The following BCL2 variants were observed in gnomAD, a reference collection of about 807,000 sequenced individuals.
The protein encoded by BCL2 is BCL2 apoptosis regulator.
In BCL2, 1 loss-of-function variant was observed where a neutral mutation model predicts 14.2. The observed-to-expected ratio is 0.07, with a 90% CI of 0.02 to 0.33. The LOEUF (loss-of-function observed/expected upper bound fraction) is 0.33, where lower values mean the gene tolerates loss of function less well. BCL2 is among the 10% of genes least tolerant of loss of function. The pLI, the probability that BCL2 is intolerant of heterozygous loss-of-function variation, is 0.99. For synonymous variants in BCL2, 151 were observed against 137.2 expected (o/e 1.10, Z -0.70); for missense variants, 247 against 305.9 (o/e 0.81, Z 1.44).
chr18:63,217,442 T>A (rs1910235994), intron 2 of BCL2, among the ~76,000 whole-genome samples: 1 of 152,138 alleles, frequency 6.6e-6, no homozygotes, highest in Non-Finnish European at 1.5e-5. Context: ...GAGGAGAAAC[T>A]GGGTTTGTTT....
intron 2 of BCL2, among the ~76,000 whole-genome samples, chr18:63,268,885 C>G (rs1004100145): frequency 1.3e-5 from 2 of 152,066 alleles, no homozygotes; most frequent in Non-Finnish European, 2.9e-5. Context: ...GGAGGGAAAA[C>G]AGTACCCAAT....
chr18:63,163,702 G>T (rs770823296), intron 2 of BCL2, among the ~76,000 whole-genome samples: 1 of 152,252 alleles, frequency 6.6e-6, no homozygotes, highest in East Asian at 1.9e-4. Flanking sequence ...CTGTGTACAA[G>T]CACTGATCTA....
chr18:63,168,507 C>G (rs918469507), intron 2 of BCL2, among the ~76,000 whole-genome samples: 6 of 152,178 alleles, frequency 3.9e-5, no homozygotes, highest in Non-Finnish European at 8.8e-5. Flanking sequence ...TGAGGTCATT[C>G]TTTGCTGGCT....
In BCL2 at chr18:63,149,363, G is replaced by A. The variant is rs545029496; in HGVS notation, c.586-20604C>T. On this transcript the variant is annotated intron_variant, in intron 2 of 2. Coordinates refer to ENST00000333681, the MANE Select transcript of BCL2 (RefSeq NM_000633.3). The surrounding 1 kb of genome is among the most constrained non-coding windows in gnomAD (Gnocchi z 4.2). ...TGTCGCCACTGATCTGACAGGAGCCGGAGCTCAGGCAGTGATGCTCGCCAG... is the reference window on the plus strand; with the variant it reads ...TGTCGCCACTGATCTGACAGGAGCCAGAGCTCAGGCAGTGATGCTCGCCAG... 1.3e-5 allele frequency among the ~76,000 whole-genome samples: 2 copies of A among 152,290 alleles called. No homozygotes were observed. The highest frequency in any genetic ancestry group is 4.8e-5 in the African/African-American group (2 of 41,548).
At chr18:63,288,220 T>C (rs1314707447) in intron 2 of BCL2, among the ~76,000 whole-genome samples, 25 of 152,320 alleles carry the variant, frequency 1.6e-4, no homozygotes, top group Non-Finnish European at 4.4e-5. Context: ...TACATGAAGA[T>C]GACACATTAG....
Position 63,169,289 on chromosome 18 carries a change from TTTC to T in BCL2, c.586-40533_586-40531del, listed in dbSNP as rs1568222358. ...CTTTCTTTCTTTCTTTCTTTCTTTC[TTTC>T]TTTCTTTCTTTCTTTCTTCCTTCCT... On this transcript the variant is annotated intron_variant, in intron 2 of 2. Transcript: ENST00000333681. 2.0e-4 allele frequency among the ~76,000 whole-genome samples: 15 copies of T among 73,994 alleles called. 1 individual carries two copies. Among genetic ancestry groups the T allele is most frequent in the Admixed American group, 3.0e-4 (2 of 6,744 alleles). 48.5% of individuals were successfully genotyped at this position (73,994 alleles called of 152,430 possible).
At chr18:63,170,101 C>T (rs1051767808) in intron 2 of BCL2, among the ~76,000 whole-genome samples, 3 of 152,106 alleles carry the variant, frequency 2.0e-5, no homozygotes, top group Admixed American at 6.5e-5. Flanking sequence ...CATGACCTTG[C>T]GCAAGCTGCT....
At chr18:63,150,897 T>A (rs565808719) in intron 2 of BCL2, among the ~76,000 whole-genome samples, 2 of 152,172 alleles carry the variant, frequency 1.3e-5, no homozygotes, top group South Asian at 4.2e-4. Flanking sequence ...GCTACTCCTG[T>A]CATATTTTTC....
At chr18:63,142,037 C>T (rs1054354925) in intron 2 of BCL2, among the ~76,000 whole-genome samples, 8 of 152,202 alleles carry the variant, frequency 5.3e-5, no homozygotes, top group African/African-American at 1.4e-4. Context: ...ATCAGGACAT[C>T]GCTGCTGGGG....
intron 2 of BCL2, among the ~76,000 whole-genome samples, chr18:63,271,685 A>G (rs1912007641): frequency 6.6e-6 from 1 of 152,180 alleles, no homozygotes; most frequent in Non-Finnish European, 1.5e-5. Context: ...CCTCTTTACA[A>G]CAGAAAGATT....
rs1442859273 is a variant in BCL2 at position 63,127,115 on chromosome 18, A to G, written c.*1510T>C. 1 of 229,216 alleles carries G rather than the reference A, an allele frequency of 4.4e-6. No homozygotes were observed. Among genetic ancestry groups the G allele is most frequent in the Non-Finnish European group, 8.6e-6 (1 of 115,632 alleles). 14.2% of individuals were successfully genotyped at this position (229,216 alleles called of 1,614,324 possible). On this transcript the variant is annotated 3_prime_UTR_variant, in exon 3 of 3. Coordinates refer to ENST00000333681, the MANE Select transcript of BCL2 (RefSeq NM_000633.3). ...CTTTTTTTTTGTCAGGTTTTCAAATAAAACCAAACTACAGTGACAAGATAA... is the reference window on the plus strand; with the variant it reads ...CTTTTTTTTTGTCAGGTTTTCAAATGAAACCAAACTACAGTGACAAGATAA...
Position 63,127,065 on chromosome 18 carries a change from T to TA in BCL2, c.*1559dup. On this transcript the variant is annotated 3_prime_UTR_variant, in exon 3 of 3. Transcript: ENST00000333681. ...TTTTTAATGCCCCAGGATGTACAGA[T>TA]AACCCCCATATTCCACACCTGGAAC... 1 of 228,170 alleles carries TA rather than the reference T, an allele frequency of 4.4e-6. No homozygotes were observed. The highest frequency in any genetic ancestry group is 8.7e-6 in the Non-Finnish European group (1 of 114,896). 14.1% of individuals were successfully genotyped at this position (228,170 alleles called of 1,614,324 possible).
At chr18:63,151,289 C>A (rs1028497585) in intron 2 of BCL2, 1 of 152,130 alleles carries the variant, frequency 6.6e-6, no homozygotes, top group African/African-American at 2.4e-5. Flanking sequence ...TCTAACCCAG[C>A]AGAAATTACT....
intron 2 of BCL2, among the ~76,000 whole-genome samples, chr18:63,163,439 C>T (rs554816049): frequency 4.3e-4 from 65 of 152,288 alleles, no homozygotes; most frequent in African/African-American, 1.6e-3. Flanking sequence ...CTCCTATTGG[C>T]CCCACAGTGC....
rs146967889 is a variant in BCL2 at position 63,125,244 on chromosome 18, G to T, written c.*3381C>A. 114 of 226,304 alleles carry T rather than the reference G, an allele frequency of 5.0e-4. No individual in the cohort carries two copies. The East Asian group carries it at 7.0e-3, about 14-fold the overall frequency. The allele number at this position is 226,304 out of a possible 1,614,324, so 14.0% of individuals were successfully genotyped here. ...CTGAACACAGAGAGGTAAGTGAGCT[G>T]TGGAGAGAATGTTGGCGTCTTGTTT... On this transcript the variant is annotated 3_prime_UTR_variant, in exon 3 of 3. Transcript: ENST00000333681.
At chr18:63,224,271 A>G (rs1910485754) in intron 2 of BCL2, among the ~76,000 whole-genome samples, 1 of 152,252 alleles carries the variant, frequency 6.6e-6, no homozygotes, top group Admixed American at 6.5e-5. Flanking sequence ...AGCAGCTTAC[A>G]GAGAGAACAC....
intron 2 of BCL2, among the ~76,000 whole-genome samples, chr18:63,282,440 G>A (rs185821410): frequency 6.6e-6 from 1 of 152,244 alleles, no homozygotes; most frequent in African/African-American, 2.4e-5. Flanking sequence ...CCTTGAAAAC[G>A]ATCTGTCCAA....
chr18:63,153,718 C>A (rs899288882), intron 2 of BCL2, among the ~76,000 whole-genome samples: 1 of 152,144 alleles, frequency 6.6e-6, no homozygotes, highest in African/African-American at 2.4e-5. Flanking sequence ...GATTTCCTAC[C>A]CAACAGCAAG....
intron 2 of BCL2, among the ~76,000 whole-genome samples, chr18:63,225,080 TC>T (rs1325851280): frequency 4.7e-4 from 71 of 152,002 alleles, no homozygotes; most frequent in African/African-American, 1.6e-3. Context: ...ACTAATGTGA[TC>T]AGCTTTGTGG....
Sources: gnomAD v4.1 joint callset for allele counts (sites outside exome capture counted in the v4.1 genomes callset) on GRCh38, gnomAD v4.1.1 for gene constraint, Gnocchi (gnomAD v3.1) non-coding constraint, MANE v1.5 for transcripts, NCBI Gene and HGNC (gene_info 2026-07-23, HGNC 2026-07-21) for gene names.